The following PRKCE variants were observed in gnomAD, a reference collection of about 807,000 sequenced individuals.
The protein encoded by PRKCE is protein kinase C epsilon type.
In PRKCE, 16 loss-of-function variants were observed where a neutral mutation model predicts 85.4. The observed-to-expected ratio is 0.19, with a 90% CI of 0.13 to 0.28. The LOEUF (loss-of-function observed/expected upper bound fraction) is 0.28, where lower values mean the gene tolerates loss of function less well. PRKCE is among the 10% of genes least tolerant of loss of function. The pLI, the probability that PRKCE is intolerant of heterozygous loss-of-function variation, is 1.00. For missense variants in PRKCE, 573 were observed against 975.2 expected (o/e 0.59, Z 5.49); for synonymous variants, 388 against 371.5 (o/e 1.04, Z -0.51).
intron 1 of PRKCE, among the ~76,000 whole-genome samples, chr2:45,789,863 T>C (rs1686901785): frequency 6.6e-6 from 1 of 152,256 alleles, no homozygotes; most frequent in Non-Finnish European, 1.5e-5. Context: ...TTAGTATCTT[T>C]CTGAAGATAA....
chr2:45,794,340 C>T (rs1023095716), intron 1 of PRKCE, among the ~76,000 whole-genome samples: 3 of 152,024 alleles, frequency 2.0e-5, no homozygotes, highest in Non-Finnish European at 4.4e-5. Flanking sequence ...GCGTTTCCTT[C>T]GAATAATGAA....
chr2:45,854,365 T>C (rs902070280), intron 2 of PRKCE, among the ~76,000 whole-genome samples: 2 of 152,080 alleles, frequency 1.3e-5, no homozygotes, highest in Non-Finnish European at 2.9e-5. Flanking sequence ...CAGGTTACCA[T>C]AGGGAGGCAT....
intron 1 of PRKCE, among the ~76,000 whole-genome samples, chr2:45,763,850 G>A (rs1249557461): frequency 6.6e-6 from 1 of 152,188 alleles, no homozygotes; most frequent in Non-Finnish European, 1.5e-5. Context: ...AGAATCCCAA[G>A]CCGAATTGAA....
chr2:46,145,826 C>A lies in PRKCE; in HGVS notation c.1731+595C>A, dbSNP rs1676019440. On this transcript the variant is annotated intron_variant, in intron 12 of 14. Transcript: ENST00000306156. This position sits in a 1 kb window ranked among gnomAD's most constrained non-coding sequence, Gnocchi z 4.6. The stretch of plus-strand genomic sequence containing the variant: ...GAGGCTATAGTGAGCCATAATTGCA[C>A]CATTGCACTCCAGCCTGGGTGACAG... Among the ~76,000 whole-genome samples, 1 of 151,986 alleles carries A rather than the reference C, an allele frequency of 6.6e-6. No individual in the cohort carries two copies. The highest frequency in any genetic ancestry group is 2.4e-5 in the African/African-American group (1 of 41,364).
At chr2:45,926,624 G>T (rs1048108602) in intron 2 of PRKCE, among the ~76,000 whole-genome samples, 3 of 152,228 alleles carry the variant, frequency 2.0e-5, no homozygotes, top group Non-Finnish European at 2.9e-5. Flanking sequence ...AGAAGGATTT[G>T]TAAGCCAGTG....
At chr2:45,684,740 C>T (rs1417861104) in intron 1 of PRKCE, among the ~76,000 whole-genome samples, 1 of 152,148 alleles carries the variant, frequency 6.6e-6, no homozygotes, top group Admixed American at 6.5e-5. Context: ...AGACTTGGGG[C>T]TGGGTCTGCC....
chr2:45,969,745 C>T (rs942689981), intron 2 of PRKCE, among the ~76,000 whole-genome samples: 1 of 152,158 alleles, frequency 6.6e-6, no homozygotes, highest in African/African-American at 2.4e-5. Context: ...AACACTTTTT[C>T]AAATGTCAGC....
At chr2:46,053,751 TGTGGGTGGACAC>T (rs58336675) in intron 10 of PRKCE, among the ~76,000 whole-genome samples, 90,343 of 151,350 alleles carry the variant, frequency 0.6, 28,437 homozygotes, top group African/African-American at 0.78. Flanking sequence ...CCATTTATCC[TGTGGGTGGACAC>T]GTGGGTGGAC....
At chr2:45,680,422 G>A (rs770868909) in intron 1 of PRKCE, among the ~76,000 whole-genome samples, 2 of 152,140 alleles carry the variant, frequency 1.3e-5, no homozygotes, top group African/African-American at 4.8e-5. Flanking sequence ...CTAAATATTC[G>A]CTAACCTGTG....
chr2:46,178,254 C>G (rs1307788271), intron 14 of PRKCE, among the ~76,000 whole-genome samples: 1 of 152,156 alleles, frequency 6.6e-6, no homozygotes, highest in Non-Finnish European at 1.5e-5. Context: ...GAGCGAAACT[C>G]TGTCTCAAAA....
chr2:45,743,962 A>G (rs1573162568), intron 1 of PRKCE, among the ~76,000 whole-genome samples: 1 of 148,204 alleles, frequency 6.7e-6, no homozygotes, highest in East Asian at 2.0e-4. Context: ...GCCTCCCGGG[A>G]GCTAAGTAGA....
intron 2 of PRKCE, among the ~76,000 whole-genome samples, chr2:45,965,308 C>T (rs760545674): frequency 6.6e-6 from 1 of 152,212 alleles, no homozygotes; most frequent in Non-Finnish European, 1.5e-5. Flanking sequence ...ATTTCACTTG[C>T]AAACATTATC....
At chr2:45,910,052 C>G (rs902191268) in intron 2 of PRKCE, among the ~76,000 whole-genome samples, 1 of 151,924 alleles carries the variant, frequency 6.6e-6, no homozygotes, top group Non-Finnish European at 1.5e-5. Context: ...CGCCCCCCCC[C>G]AGCCAAGTGC....
At chr2:45,783,873 G>A (rs1481366485) in intron 1 of PRKCE, among the ~76,000 whole-genome samples, 1 of 152,178 alleles carries the variant, frequency 6.6e-6, no homozygotes, top group African/African-American at 2.4e-5. Context: ...CCTGTGATAG[G>A]AAAGTCACAG....
intron 1 of PRKCE, among the ~76,000 whole-genome samples, chr2:45,801,137 GGGT>G (rs1409838079): frequency 6.6e-6 from 1 of 152,182 alleles, no homozygotes; most frequent in Non-Finnish European, 1.5e-5. Context: ...GTTTTCAGCA[GGGT>G]GGTGAGAGAT....
intron 2 of PRKCE, among the ~76,000 whole-genome samples, chr2:45,939,675 C>T (rs1027502436): frequency 7.9e-5 from 12 of 152,136 alleles, no homozygotes; most frequent in African/African-American, 2.9e-4. Context: ...CTGCCTCAGC[C>T]TCCTAAGTAG....
intron 2 of PRKCE, among the ~76,000 whole-genome samples, chr2:45,919,699 T>C (rs1309322986): frequency 6.6e-6 from 1 of 152,204 alleles, no homozygotes; most frequent in Non-Finnish European, 1.5e-5. Flanking sequence ...CAACCTTTTC[T>C]TGGAAAATCT....
At chr2:45,831,269 A>C (rs545806999) in intron 1 of PRKCE, among the ~76,000 whole-genome samples, 1 of 152,366 alleles carries the variant, frequency 6.6e-6, no homozygotes, top group East Asian at 1.9e-4. Context: ...CATAATAAGG[A>C]AAGACGATTA....
intron 10 of PRKCE, among the ~76,000 whole-genome samples, chr2:46,052,507 T>C (rs1350052670): frequency 6.6e-6 from 1 of 152,146 alleles, no homozygotes; most frequent in East Asian, 1.9e-4. Context: ...AAGATCAACA[T>C]AAATGGAAAA....
Sources: gnomAD v4.1 joint callset for allele counts (sites outside exome capture counted in the v4.1 genomes callset) on GRCh38, gnomAD v4.1.1 for gene constraint, Gnocchi (gnomAD v3.1) non-coding constraint, MANE v1.5 for transcripts, NCBI Gene and HGNC (gene_info 2026-07-23, HGNC 2026-07-21) for gene names.